PCDHGA1: variants seen among roughly 807,000 people sequenced by gnomAD.
The protein encoded by PCDHGA1 is protocadherin gamma subfamily A, 1, also known as protocadherin gamma-A1.
A neutral mutation model predicts 58.0 loss-of-function variants in PCDHGA1; 32 were observed. The observed-to-expected ratio is 0.55, with a 90% CI of 0.42 to 0.74. The LOEUF (loss-of-function observed/expected upper bound fraction) is 0.74. Among genes scored for constraint, PCDHGA1 ranks in the 30% least tolerant of loss-of-function variants. The pLI is 0.00. For missense variants in PCDHGA1, 1,205 were observed against 1,182.3 expected (o/e 1.02, Z -0.28); for synonymous variants, 498 against 501.1 (o/e 0.99, Z 0.08).
chr5:141,352,290 C>T (rs376402218), intron 1 of PCDHGA1: 1 of 1,613,958 alleles, frequency 6.2e-7, no homozygotes, highest in Non-Finnish European at 8.5e-7. Context: ...CGCCCTGAGC[C>T]CTCTGACCCC....
intron 1 of PCDHGA1, chr5:141,423,311 T>G: frequency 2.5e-6 from 4 of 1,614,134 alleles, no homozygotes; most frequent in Non-Finnish European, 3.4e-6. Flanking sequence ...CTGTACTTGG[T>G]GGTGGCGGTG....
intron 1 of PCDHGA1, chr5:141,346,536 T>G (rs1216501111): frequency 6.4e-7 from 1 of 1,563,894 alleles, no homozygotes; most frequent in Admixed American, 1.9e-5. Flanking sequence ...CATATGTATT[T>G]GAGAAATAAA....
intron 1 of PCDHGA1, among the ~76,000 whole-genome samples, chr5:141,386,313 A>G (rs2090530914): frequency 6.6e-6 from 1 of 152,156 alleles, no homozygotes; most frequent in Non-Finnish European, 1.5e-5. Context: ...TCAGTATATC[A>G]AGTGATTGTC....
chr5:141,330,790 C>A lies in PCDHGA1; in HGVS notation c.106C>A (p.Pro36Thr). 6.2e-7 allele frequency: 1 copy of A among 1,614,218 alleles called. No homozygotes were observed. The highest frequency in any genetic ancestry group is 8.5e-7 in the Non-Finnish European group (1 of 1,180,056). ...GGCTGGGAATATTCACTACTCAGTG[C>A]CGGAAGAGACAGACAAAGGTTCCTT... ...AGAGNIHYSV[P>T]EETDKGSFVG... The change falls in exon 1 of 4, where the codon CCG becomes ACG. Residue 36 changes from proline to threonine, a missense_variant. Coordinates refer to ENST00000517417, the MANE Select transcript of PCDHGA1 (RefSeq NM_018912.3).
rs751563833 is a variant in PCDHGA1 at position 141,421,382 on chromosome 5, A to T, written c.2422-73425A>T. 5.6e-6 allele frequency: 9 copies of T among 1,613,906 alleles called. No homozygotes were observed. The South Asian group carries it at 8.8e-5, about 16-fold the overall frequency. ...TCCTTCGTGGGCAATATCTCCAAGG[A>T]CCTGGGGCTGGAGCCCCGGGAGCTG... On this transcript the variant is annotated intron_variant, in intron 1 of 3. Transcript: ENST00000517417.
chr5:141,494,921 A>C (rs1345734925), intron 2 of PCDHGA1, 56 bp downstream of exon 2: 6 of 1,613,556 alleles, frequency 3.7e-6, no homozygotes, highest in Non-Finnish European at 5.1e-6. Flanking sequence ...CTCAGGGATG[A>C]CGTGGGAGGA....
At chr5:141,483,222 C>A (rs1011389295) in intron 1 of PCDHGA1, among the ~76,000 whole-genome samples, 4 of 152,078 alleles carry the variant, frequency 2.6e-5, no homozygotes, top group African/African-American at 9.7e-5. Context: ...ACAGTCACTG[C>A]AGAAATTTGA....
intron 1 of PCDHGA1, chr5:141,393,113 G>C: frequency 6.2e-7 from 1 of 1,613,500 alleles, no homozygotes. Flanking sequence ...CTCAGAGCCC[G>C]CGGTGTCTGA....
At chr5:141,408,856 G>T in intron 1 of PCDHGA1, 1 of 1,613,518 alleles carries the variant, frequency 6.2e-7, no homozygotes, top group Non-Finnish European at 8.5e-7. Flanking sequence ...TGGACGGAGG[G>T]GACCCACCAA....
chr5:141,362,316 T>G (rs1561526440), intron 1 of PCDHGA1: 1 of 1,614,050 alleles, frequency 6.2e-7, no homozygotes, highest in South Asian at 1.1e-5. Context: ...GGGACTGTTT[T>G]CAGCCTGGTC....
Position 141,491,755 on chromosome 5 carries a change from G to A in PCDHGA1, c.2422-3052G>A. On this transcript the variant is annotated intron_variant, in intron 1 of 3. Transcript: ENST00000517417. This position sits in a 1 kb window ranked among gnomAD's most constrained non-coding sequence, Gnocchi z 6.9. Reference sequence around the variant, plus strand: ...CCCTGGGGGCGGCACTGGAGAAGCCGCCCGTCCTCATAAGGGATTGAACTT... The same window carrying A: ...CCCTGGGGGCGGCACTGGAGAAGCCACCCGTCCTCATAAGGGATTGAACTT... 6 of 1,582,196 alleles carry A rather than the reference G, an allele frequency of 3.8e-6. No individual in the cohort carries two copies. The highest frequency in any genetic ancestry group is 5.1e-6 in the Non-Finnish European group (6 of 1,165,450).
chr5:141,414,210 T>C (rs1252033650), intron 1 of PCDHGA1: 1 of 1,612,706 alleles, frequency 6.2e-7, no homozygotes, highest in East Asian at 2.2e-5. Flanking sequence ...AAGATGTAAA[T>C]GACAACAGTC....
At position 141,485,698 on chromosome 5, in the gene PCDHGA1, T is replaced by C. The variant is rs1175015922; in HGVS notation, c.2422-9109T>C. ...TTAGCAGCTATAGGCTGAGCTCCAA[T>C]GAACACTTTGCACTGGATGTGAAGA... On this transcript the variant is annotated intron_variant, in intron 1 of 3. Transcript: ENST00000517417. This position sits in a 1 kb window ranked among gnomAD's most constrained non-coding sequence, Gnocchi z 5.7. 6.2e-7 allele frequency: 1 copy of C among 1,613,994 alleles called. No homozygotes were observed. The highest frequency in any genetic ancestry group is 8.5e-7 in the Non-Finnish European group (1 of 1,180,002).
intron 1 of PCDHGA1, among the ~76,000 whole-genome samples, chr5:141,434,831 A>T (rs1328843764): frequency 6.6e-6 from 1 of 151,904 alleles, no homozygotes; most frequent in East Asian, 1.9e-4. Flanking sequence ...TACACTTGGC[A>T]TTTATAAAGC....
At chr5:141,415,208 A>C in intron 1 of PCDHGA1, 3 of 1,614,024 alleles carry the variant, frequency 1.9e-6, no homozygotes, top group Non-Finnish European at 2.5e-6. Context: ...GTCCTGGCGG[A>C]CCTCGGCAGC....
chr5:141,359,937 C>T, intron 1 of PCDHGA1: 1 of 475,954 alleles, frequency 2.1e-6, no homozygotes, highest in Non-Finnish European at 3.5e-6. Context: ...CTCTGAGCGT[C>T]GCTGTTGGTC....
chr5:141,332,620 G>A lies in PCDHGA1; in HGVS notation c.1936G>A (p.Val646Ile), dbSNP rs577475018. The A allele has an allele frequency of 5.6e-5, 90 of 1,612,742 alleles. 3 individuals carry two copies. In the South Asian group the frequency reaches 6.6e-4, roughly 12 times the overall value. The change falls in exon 1 of 4, where the codon GTC (valine) becomes ATC (isoleucine). Residue 646 changes from valine to isoleucine, a missense_variant. By Grantham distance (29) the Val-to-Ile change is conservative. Transcript: ENST00000517417. This position sits in a 1 kb window ranked among gnomAD's most constrained non-coding sequence, Gnocchi z 4.6. Reference protein sequence around the residue: ...DALKQSLVVAVQDHGQPPLSA... With the variant: ...DALKQSLVVAIQDHGQPPLSA... Reference sequence around the variant, plus strand: ...GCTCAAGCAGAGTCTCGTGGTGGCCGTCCAGGACCACGGCCAGCCCCCGCT... The same window carrying A: ...GCTCAAGCAGAGTCTCGTGGTGGCCATCCAGGACCACGGCCAGCCCCCGCT...
At position 141,497,540 on chromosome 5, in the gene PCDHGA1, C is replaced by CT. The variant is rs754207034; in HGVS notation, c.2480+2693dup. On this transcript the variant is annotated intron_variant, in intron 2 of 3. Transcript: ENST00000517417. Reference sequence around the variant, plus strand: ...TTAACTTGTGGAGGATGCAACAAACCTTTTTTTTTTTTTTTTTTAGACAGA... The same window carrying CT: ...TTAACTTGTGGAGGATGCAACAAACCTTTTTTTTTTTTTTTTTTTAGACAGA... Among the ~76,000 whole-genome samples, 618 of 134,908 alleles carry CT rather than the reference C, an allele frequency of 4.6e-3. 3 individuals carry two copies. The highest frequency in any genetic ancestry group is 0.012 in the African/African-American group (419 of 35,974). 88.5% of individuals were successfully genotyped at this position (134,908 alleles called of 152,430 possible). A position where few individuals can be genotyped will look rare whatever the true frequency, so the allele number is the denominator to read the frequency against.
At position 141,410,475 on chromosome 5, in the gene PCDHGA1, A is replaced by G. The variant is rs185995562; in HGVS notation, c.2421+77370A>G. ...TATTCTTATAATCTGTGCATTGCAC[A>G]TACGGGTACAAAAGAGTTTAATTTC... is the stretch of plus-strand genomic sequence containing the variant. On this transcript the variant is annotated intron_variant, in intron 1 of 3. Transcript: ENST00000517417. The G allele has an allele frequency of 3.7e-6, 6 of 1,614,052 alleles. No homozygotes were observed. In the South Asian group the frequency reaches 6.6e-5, roughly 18 times the overall value.
Sources: allele counts gnomAD v4.1 joint callset (sites outside exome capture counted in the v4.1 genomes callset), GRCh38; gene constraint gnomAD v4.1.1; non-coding constraint Gnocchi (gnomAD v3.1); transcripts MANE v1.5; gene names NCBI Gene and HGNC (gene_info 2026-07-23, HGNC 2026-07-21).